IL18R1: variants seen among roughly 807,000 people sequenced by gnomAD.
IL18R1 encodes the protein interleukin 18 receptor 1, also known as interleukin-18 receptor 1.
A neutral mutation model predicts 48.5 loss-of-function variants in IL18R1; 40 were observed. That is an observed-to-expected ratio of 0.82 (90% CI 0.64 to 1.07). The LOEUF is 1.07. Ranked by LOEUF, IL18R1 falls within the 50% of genes least tolerant of loss-of-function variation. IL18R1 has a pLI of 0.00. For missense variants in IL18R1, 596 were observed against 633.7 expected, an observed-to-expected ratio of 0.94 and a Z score of 0.64; for synonymous variants, 232 against 225.9, an observed-to-expected ratio of 1.03 and a Z score of -0.24.
At chr2:102,376,675 G>A (rs1436634595) in intron 5 of IL18R1, among the ~76,000 whole-genome samples, 1 of 152,192 alleles carries the variant, frequency 6.6e-6, no homozygotes, top group Non-Finnish European at 1.5e-5. Context: ...AAGGAACACT[G>A]ATGTGCTGGT....
At chr2:102,394,776 A>G (rs1573235212) in intron 10 of IL18R1, 149 bp downstream of exon 10, 3 of 542,668 alleles carry the variant, frequency 5.5e-6, no homozygotes, top group Non-Finnish European at 9.5e-6. Context: ...TCAACAATCG[A>G]TAGTGAGAAA....
chr2:102,392,026 G>T (rs1680587958), intron 9 of IL18R1, among the ~76,000 whole-genome samples: 1 of 152,086 alleles, frequency 6.6e-6, no homozygotes, highest in African/African-American at 2.4e-5. Context: ...TGCTTGTAGT[G>T]GTGTGCTATA....
At chr2:102,359,719 T>A (rs1678465103) in intron 1 of IL18R1, among the ~76,000 whole-genome samples, 1 of 152,214 alleles carries the variant, frequency 6.6e-6, no homozygotes, top group Admixed American at 6.5e-5. Context: ...TGAGAGAATA[T>A]GAATATTGCA....
At chr2:102,381,752 A>G (rs1031107758) in intron 6 of IL18R1, 70 bp downstream of exon 6, 2 of 974,600 alleles carry the variant, frequency 2.1e-6, no homozygotes, top group African/African-American at 3.2e-5. Flanking sequence ...AAGCGTAAAT[A>G]TGATTCATTA....
intron 4 of IL18R1, among the ~76,000 whole-genome samples, chr2:102,374,639 G>GTGGTGGCACATGCCTGTA (rs1396638057): frequency 6.6e-6 from 1 of 152,062 alleles, no homozygotes; most frequent in African/African-American, 2.4e-5. Context: ...TTAGCTGGGT[G>GTGGTGGCACATGCCTGTA]TGGTGGCACA....
chr2:102,381,808 C>A, intron 6 of IL18R1, 126 bp downstream of exon 6: 5 of 698,332 alleles, frequency 7.2e-6, no homozygotes, highest in Non-Finnish European at 1.2e-5. Flanking sequence ...AATAACATTA[C>A]AAAACTAAGA....
At chr2:102,380,844 C>G (rs1004485577) in intron 5 of IL18R1, among the ~76,000 whole-genome samples, 2 of 152,202 alleles carry the variant, frequency 1.3e-5, no homozygotes, top group Non-Finnish European at 2.9e-5. Flanking sequence ...TAGCAGGGAA[C>G]AGTCCTGGTC....
chr2:102,380,713 G>A (rs945981196), intron 5 of IL18R1, among the ~76,000 whole-genome samples: 4 of 152,232 alleles, frequency 2.6e-5, no homozygotes, highest in Non-Finnish European at 5.9e-5. Context: ...GGAGCTGCAG[G>A]AGCACTCCTG....
chr2:102,389,506 T>G (rs1441529813), intron 8 of IL18R1, among the ~76,000 whole-genome samples: 1 of 152,236 alleles, frequency 6.6e-6, no homozygotes, highest in African/African-American at 2.4e-5. Flanking sequence ...CTACTTTTTG[T>G]GTAATATTTC....
At chr2:102,395,875 A>G (rs975714086) in intron 10 of IL18R1, among the ~76,000 whole-genome samples, 3 of 152,180 alleles carry the variant, frequency 2.0e-5, no homozygotes, top group African/African-American at 7.2e-5. Context: ...AGCCACGCAC[A>G]TTGGTTTACC....
In IL18R1 at chr2:102,397,049, A is replaced by G; in HGVS notation, c.*163A>G. The stretch of plus-strand genomic sequence containing the variant: ...TCATTAGGTTGGCGGGAATGAGACT[A>G]AAGATTGCGCTGTGGGCTGTGGTCA... On this transcript the variant is annotated 3_prime_UTR_variant, in exon 11 of 11. Transcript: ENST00000233957. 1 of 585,172 alleles carries G rather than the reference A, an allele frequency of 1.7e-6. No individual in the cohort carries two copies. Among genetic ancestry groups the G allele is most frequent in the Non-Finnish European group, 3.0e-6 (1 of 333,126 alleles). 36.2% of individuals were successfully genotyped at this position (585,172 alleles called of 1,614,324 possible). A position where few individuals can be genotyped will look rare whatever the true frequency, so the allele number is the denominator to read the frequency against.
At chr2:102,396,496 A>G (rs770792469) in intron 10 of IL18R1, 35 bp from the exon 11 acceptor site, 27 of 1,260,978 alleles carry the variant, frequency 2.1e-5, no homozygotes, top group Non-Finnish European at 3.0e-5. Flanking sequence ...CCTTTCAGTT[A>G]TCTTAAATTA....
chr2:102,396,758 T>G lies in IL18R1; in HGVS notation c.1498T>G (p.Trp500Gly), dbSNP rs1302180450. ...TTTGAAATCTCACAGAGTTCTGAAGTGGAAGGCCGATAAATCTCTTTCTTA... is the reference window on the plus strand; with the variant it reads ...TTTGAAATCTCACAGAGTTCTGAAGGGGAAGGCCGATAAATCTCTTTCTTA... ...KLLKSHRVLK[W>G]KADKSLSYNS... is the part of the protein sequence containing the mutation. Residue 500 changes from tryptophan (W) to glycine (G), a missense_variant, in exon 11 of 11, where the codon TGG becomes GGG. Physicochemically the swap from Trp to Gly is radical, Grantham distance 184. Around this residue, in one of 3 missense-constraint regions of IL18R1, gnomAD observed 179 missense variants for 206.1 expected, o/e 0.87. Transcript: ENST00000233957. 1 of 1,614,050 alleles carries G rather than the reference T, an allele frequency of 6.2e-7. No homozygotes were observed. The highest frequency in any genetic ancestry group is 8.5e-7 in the Non-Finnish European group (1 of 1,179,878).
rs1390276232 is a variant in IL18R1 at position 102,394,564 on chromosome 2, G to A, written c.1207G>A (p.Val403Met). Residue 403 changes from valine (V) to methionine (M), a missense_variant, in exon 10 of 11, where the codon GTG (valine) becomes ATG (methionine). Transcript: ENST00000233957. ...HTFAVEILPR[V>M]LEKHFGYKLC... ...CTTTGCTGTGGAGATTTTGCCCAGGGTGTTGGAGAAACATTTTGGGTATAA... is the reference window on the plus strand; with the variant it reads ...CTTTGCTGTGGAGATTTTGCCCAGGATGTTGGAGAAACATTTTGGGTATAA... 8 of 1,613,458 alleles carry A rather than the reference G, an allele frequency of 5.0e-6. No homozygotes were observed. Among genetic ancestry groups the A allele is most frequent in the African/African-American group, 1.3e-5 (1 of 74,894 alleles).
intron 3 of IL18R1, among the ~76,000 whole-genome samples, chr2:102,368,702 G>T (rs556389132): frequency 6.6e-6 from 1 of 152,294 alleles, no homozygotes; most frequent in African/African-American, 2.4e-5. Flanking sequence ...CATGAAATGA[G>T]CACAGCCAAC....
rs929634000 is a variant in IL18R1, at chr2:102,355,798, G to A, written c.-631G>A. 4.7e-4 allele frequency: 72 copies of A among 152,334 alleles called. No individual in the cohort carries two copies. Among genetic ancestry groups the A allele is most frequent in the African/African-American group, 1.3e-3 (55 of 41,568 alleles). 9.4% of individuals were successfully genotyped at this position (152,334 alleles called of 1,614,324 possible). ...CCGGCTACAGCCCGGGTTTTCCCGGGACCCGCGCCGCGCGGCTGGGCAGGA... is the reference window on the plus strand; with the variant it reads ...CCGGCTACAGCCCGGGTTTTCCCGGAACCCGCGCCGCGCGGCTGGGCAGGA... On this transcript the variant is annotated 5_prime_UTR_variant, in exon 1 of 11. Coordinates refer to ENST00000233957, the MANE Select transcript of IL18R1 (RefSeq NM_003855.5).
intron 2 of IL18R1, among the ~76,000 whole-genome samples, chr2:102,367,601 T>C (rs2105047590): frequency 6.6e-6 from 1 of 152,290 alleles, no homozygotes; most frequent in Non-Finnish European, 1.5e-5. Flanking sequence ...GGGGAGAAAC[T>C]GTCAGAAGTT....
chr2:102,389,817 T>C (rs1680456701), intron 8 of IL18R1, among the ~76,000 whole-genome samples: 1 of 152,336 alleles, frequency 6.6e-6, no homozygotes, highest in Non-Finnish European at 1.5e-5. Flanking sequence ...TGTGTAATGT[T>C]TTCACTTCAG....
At chr2:102,394,031 G>A (rs1051954299) in intron 9 of IL18R1, among the ~76,000 whole-genome samples, 1 of 152,162 alleles carries the variant, frequency 6.6e-6, no homozygotes, top group Non-Finnish European at 1.5e-5. Flanking sequence ...CCAATTAGGA[G>A]CATGGTCTTT....
Sources: allele counts gnomAD v4.1 joint callset (sites outside exome capture counted in the v4.1 genomes callset), GRCh38; gene constraint gnomAD v4.1.1; regional missense constraint gnomAD v4.1.1; transcripts MANE v1.5; gene names NCBI Gene and HGNC (gene_info 2026-07-23, HGNC 2026-07-21).